The following RARB variants were observed in gnomAD, a reference collection of about 807,000 sequenced individuals.
The protein encoded by RARB is retinoic acid receptor beta.
In RARB, 17 loss-of-function variants were observed where a neutral mutation model predicts 51.9. The observed-to-expected ratio is 0.33, with a 90% CI of 0.22 to 0.49. The LOEUF (loss-of-function observed/expected upper bound fraction) is 0.49, where lower values mean the gene tolerates loss of function less well. RARB is among the 20% of genes least tolerant of loss of function. RARB has a pLI of 0.99. For synonymous variants in RARB, 215 were observed against 195.4 expected (o/e 1.10, Z -0.84); for missense variants, 369 against 550.8 (o/e 0.67, Z 3.30).
At chr3:25,591,039 G>A (rs1701590119) in intron 5 of RARB, among the ~76,000 whole-genome samples, 1 of 152,182 alleles carries the variant, frequency 6.6e-6, no homozygotes, top group Non-Finnish European at 1.5e-5. Flanking sequence ...CAGTTACCAA[G>A]ATGAAGTGAA....
In RARB at chr3:25,192,037, G is replaced by A. The variant is rs1032074600; in HGVS notation, c.178+17462G>A. Reference sequence around the variant, plus strand: ...TACTTATTTAAACAGCTTTGCAAAAGTGTAACAATGATTGAGAGTTTTGAA... The same window carrying A: ...TACTTATTTAAACAGCTTTGCAAAAATGTAACAATGATTGAGAGTTTTGAA... On this transcript the variant is annotated intron_variant, in intron 5 of 11. Coordinates refer to the RARB transcript ENST00000383772. Among the ~76,000 whole-genome samples, 5 of 152,072 alleles carry A rather than the reference G, an allele frequency of 3.3e-5. No individual in the cohort carries two copies. In the East Asian group the frequency reaches 9.6e-4, roughly 29 times the overall value.
intron 4 of RARB, among the ~76,000 whole-genome samples, chr3:25,166,182 T>C (rs1700557293): frequency 6.6e-6 from 1 of 152,168 alleles, no homozygotes; most frequent in African/African-American, 2.4e-5. Context: ...TTCAAGTTTT[T>C]CCATTACGGC....
intron 5 of RARB, among the ~76,000 whole-genome samples, chr3:25,236,972 T>C (rs1702316257): frequency 6.6e-6 from 1 of 151,638 alleles, no homozygotes; most frequent in Admixed American, 6.6e-5. Flanking sequence ...TTTCTTTACC[T>C]AACTCTAAAC....
chr3:25,322,413 A>G (rs1704598036), intron 5 of RARB, among the ~76,000 whole-genome samples: 2 of 152,318 alleles, frequency 1.3e-5, no homozygotes, highest in East Asian at 3.9e-4. Flanking sequence ...CTAGAAAGTA[A>G]AATATTGACT....
At chr3:25,236,560 G>T (rs571135831) in intron 5 of RARB, among the ~76,000 whole-genome samples, 1 of 152,202 alleles carries the variant, frequency 6.6e-6, no homozygotes, top group African/African-American at 2.4e-5. Context: ...GTGAAGGATG[G>T]AAGGAAAGAG....
At chr3:25,019,725 A>G (rs986411192) in intron 2 of RARB, among the ~76,000 whole-genome samples, 5 of 152,150 alleles carry the variant, frequency 3.3e-5, no homozygotes, top group African/African-American at 1.2e-4. Context: ...AGACTGAGGC[A>G]TAACTTGGTT....
chr3:24,962,186 C>T (rs892607993), intron 2 of RARB, among the ~76,000 whole-genome samples: 1 of 151,746 alleles, frequency 6.6e-6, no homozygotes, highest in East Asian at 2.0e-4. Flanking sequence ...GCCTCGGCCT[C>T]CTAAATTGCT....
intron 2 of RARB, among the ~76,000 whole-genome samples, chr3:25,491,936 G>T (rs1462455608): frequency 9.8e-6 from 1 of 101,548 alleles, no homozygotes; most frequent in African/African-American, 6.9e-5. Flanking sequence ...GTGAGACTCT[G>T]TCTCAAAAAA....
At chr3:25,317,733 T>C (rs1230243778) in intron 5 of RARB, among the ~76,000 whole-genome samples, 5 of 152,202 alleles carry the variant, frequency 3.3e-5, no homozygotes, top group Admixed American at 6.5e-5. Context: ...AAAATAATTT[T>C]CATTAATTGA....
chr3:25,331,476 G>A (rs986127447), intron 5 of RARB, among the ~76,000 whole-genome samples: 6 of 152,112 alleles, frequency 3.9e-5, no homozygotes, highest in African/African-American at 7.2e-5. Context: ...TTTGAAACCA[G>A]TGAGAACAAA....
rs1372195901 is a variant in RARB at position 25,200,120 on chromosome 3, T to G, written c.178+25545T>G. Among the ~76,000 whole-genome samples the G allele has an allele frequency of 2.0e-5, 3 of 152,186 alleles. 1 individual carries two copies. Among genetic ancestry groups the G allele is most frequent in the Admixed American group, 1.3e-4 (2 of 15,270 alleles). ...TCTCCAGCACCTGTTGTTTCCTGAC[T>G]TTTTAATGATCTCCATTCTAACTGG... is the stretch of plus-strand genomic sequence containing the variant. On this transcript the variant is annotated intron_variant, in intron 5 of 11. Coordinates refer to the RARB transcript ENST00000383772.
intron 2 of RARB, among the ~76,000 whole-genome samples, chr3:24,918,923 T>G (rs1695161911): frequency 1.3e-5 from 2 of 151,980 alleles, no homozygotes; most frequent in Admixed American, 6.6e-5. Context: ...AATAAAAAAC[T>G]TAGACTGATA....
chr3:25,415,389 T>A (rs919944621), intron 5 of RARB, among the ~76,000 whole-genome samples: 2 of 152,184 alleles, frequency 1.3e-5, no homozygotes, highest in African/African-American at 2.4e-5. Context: ...GGGTTATGGA[T>A]CTTTTATTTT....
intron 5 of RARB, among the ~76,000 whole-genome samples, chr3:25,383,300 C>T (rs1706684819): frequency 6.6e-6 from 1 of 152,190 alleles, no homozygotes; most frequent in Admixed American, 6.5e-5. Context: ...TCCTCTCTGC[C>T]AGCCCACTGC....
intron 5 of RARB, among the ~76,000 whole-genome samples, chr3:25,230,985 C>G (rs1702163599): frequency 1.3e-5 from 2 of 152,080 alleles, no homozygotes; most frequent in African/African-American, 4.8e-5. Flanking sequence ...AACTAATACA[C>G]TGAACAAAAA....
At chr3:25,058,738 C>T (rs942414212) in intron 2 of RARB, among the ~76,000 whole-genome samples, 4 of 151,536 alleles carry the variant, frequency 2.6e-5, no homozygotes, top group African/African-American at 9.7e-5. Context: ...ATTGATTATG[C>T]AATTGATCAA....
chr3:25,159,227 G>C (rs534634563), intron 4 of RARB, among the ~76,000 whole-genome samples: 1 of 133,392 alleles, frequency 7.5e-6, no homozygotes, highest in Non-Finnish European at 1.5e-5. Context: ...GCAATGGCGC[G>C]ATCTCGGCTC....
chr3:25,342,777 A>G (rs1705268805), intron 5 of RARB, among the ~76,000 whole-genome samples: 1 of 152,172 alleles, frequency 6.6e-6, no homozygotes, highest in Admixed American at 6.5e-5. Context: ...TTAATGATGC[A>G]AAAGCAGAAA....
intron 2 of RARB, among the ~76,000 whole-genome samples, chr3:24,967,675 A>G (rs935920812): frequency 6.6e-6 from 1 of 152,152 alleles, no homozygotes; most frequent in Non-Finnish European, 1.5e-5. Flanking sequence ...GCTTTATAGC[A>G]CTATCAAAGT....
Sources: gnomAD v4.1 joint callset for allele counts (sites outside exome capture counted in the v4.1 genomes callset) on GRCh38, gnomAD v4.1.1 for gene constraint, MANE v1.5 for transcripts, NCBI Gene and HGNC (gene_info 2026-07-23, HGNC 2026-07-21) for gene names.